The following ENAH variants were observed in gnomAD, a reference collection of about 807,000 sequenced individuals.
ENAH encodes ENAH actin regulator.
In ENAH, 23 loss-of-function variants were observed where a neutral mutation model predicts 78.7. That is an observed-to-expected ratio of 0.29 (90% CI 0.21 to 0.41). ENAH has a LOEUF of 0.41. Among genes scored for constraint, ENAH ranks in the 10% least tolerant of loss-of-function variants. ENAH has a pLI of 1.00. For synonymous variants in ENAH, 226 were observed against 241.0 expected (o/e 0.94, Z 0.58); for missense variants, 544 against 691.0 (o/e 0.79, Z 2.39).
chr1:225,634,056 C>T (rs1339072056), intron 1 of ENAH, among the ~76,000 whole-genome samples: 4 of 152,156 alleles, frequency 2.6e-5, no homozygotes, highest in African/African-American at 9.7e-5. Context: ...ATTTCACTTA[C>T]GTTAAAATTC....
chr1:225,639,247 G>C (rs1660590905), intron 1 of ENAH, among the ~76,000 whole-genome samples: 1 of 152,178 alleles, frequency 6.6e-6, no homozygotes, highest in Non-Finnish European at 1.5e-5. Context: ...TCTATATCCA[G>C]ACCTGGTTGG....
intron 2 of ENAH, among the ~76,000 whole-genome samples, chr1:225,560,879 T>C (rs562637618): frequency 6.6e-6 from 1 of 152,364 alleles, no homozygotes; most frequent in East Asian, 1.9e-4. Flanking sequence ...TAGAAAAAGT[T>C]GTGGAAAATA....
At chr1:225,589,904 A>G (rs1425246301) in intron 1 of ENAH, among the ~76,000 whole-genome samples, 5 of 152,204 alleles carry the variant, frequency 3.3e-5, no homozygotes, top group South Asian at 2.1e-4. Flanking sequence ...TTTTCTAATA[A>G]AAGAACTAAT....
intron 1 of ENAH, among the ~76,000 whole-genome samples, chr1:225,595,216 C>T (rs1175617798): frequency 6.6e-6 from 1 of 152,028 alleles, no homozygotes; most frequent in Non-Finnish European, 1.5e-5. Context: ...ACCTGTGATC[C>T]CAGCTACTCA....
At chr1:225,562,603 C>A (rs868049235) in intron 2 of ENAH, among the ~76,000 whole-genome samples, 996 of 77,450 alleles carry the variant, frequency 0.013, 15 homozygotes, top group African/African-American at 0.032. Flanking sequence ...AAAAAAAAAA[C>A]ACACCCAAGC....
At chr1:225,603,018 T>G (rs2096938299) in intron 1 of ENAH, among the ~76,000 whole-genome samples, 2 of 151,714 alleles carry the variant, frequency 1.3e-5, no homozygotes, top group Admixed American at 1.3e-4. Context: ...TAAAACATAC[T>G]ATGAAGTATA....
chr1:225,631,469 G>C lies in ENAH; in HGVS notation c.5+21217C>G, dbSNP rs896847307. 1.5e-4 allele frequency among the ~76,000 whole-genome samples: 23 copies of C among 151,454 alleles called. 1 individual carries two copies. Among genetic ancestry groups the C allele is most frequent in the African/African-American group, 5.6e-4 (23 of 41,254 alleles). On this transcript the variant is annotated intron_variant, in intron 1 of 13. Transcript: ENST00000366843. Reference sequence around the variant, plus strand: ...CACGCCTGTAGTCCCAGCTACTTGGGAAGCTGAGGCAAGAGAATCACTTGA... The same window carrying C: ...CACGCCTGTAGTCCCAGCTACTTGGCAAGCTGAGGCAAGAGAATCACTTGA...
intron 4 of ENAH, among the ~76,000 whole-genome samples, chr1:225,519,992 CAATA>C (rs1306877898): frequency 2.0e-5 from 3 of 152,066 alleles, no homozygotes; most frequent in Admixed American, 2.0e-4. Context: ...AGCAATAGCT[CAATA>C]AATATTTACT....
intron 3 of ENAH, among the ~76,000 whole-genome samples, chr1:225,539,990 C>G (rs1415373514): frequency 6.6e-6 from 1 of 152,018 alleles, no homozygotes; most frequent in Non-Finnish European, 1.5e-5. Context: ...TTAGCCACTT[C>G]AAGAGATTTG....
At chr1:225,642,461 T>C (rs973347850) in intron 1 of ENAH, among the ~76,000 whole-genome samples, 7 of 152,190 alleles carry the variant, frequency 4.6e-5, no homozygotes, top group Non-Finnish European at 1.0e-4. Context: ...AGGGATGGGA[T>C]AGACACACCA....
intron 1 of ENAH, chr1:225,652,316 A>G: frequency 1.0e-6 from 1 of 985,128 alleles, no homozygotes; most frequent in African/African-American, 1.7e-5. Context: ...ACGAAAAAAT[A>G]CCTGTTTCCC....
In ENAH at chr1:225,530,568, C is replaced by T. The variant is rs2096533090; in HGVS notation, c.420G>A (p.Leu140=). Residue 140 remains leucine, a synonymous_variant, in exon 4 of 14, where the codon TTG becomes TTA. Coordinates refer to ENST00000366843, the MANE Select transcript of ENAH (RefSeq NM_018212.6). The stretch of plus-strand genomic sequence containing the variant: ...TGAAAATTTACCTTCTTTGAATTTC[C>T]AATTCTTCTTGGGATGGGCCATTTT... ...QVQNGPSQEE[L]EIQRRQLQEQ... is the part of the protein sequence containing the mutation. The T allele has an allele frequency of 3.7e-6, 6 of 1,612,684 alleles. No homozygotes were observed. Among genetic ancestry groups the T allele is most frequent in the Non-Finnish European group, 5.1e-6 (6 of 1,178,972 alleles).
chr1:225,518,111 T>C (rs1358568925), intron 5 of ENAH: 1 of 789,114 alleles, frequency 1.3e-6, no homozygotes, highest in East Asian at 2.7e-5. Flanking sequence ...CTACAGTTAG[T>C]ATCAGAGAAT....
At chr1:225,517,569 T>C in intron 5 of ENAH, 1 of 1,551,212 alleles carries the variant, frequency 6.4e-7, no homozygotes, top group Non-Finnish European at 8.7e-7. Flanking sequence ...GGACAGGCCT[T>C]GGACCAGTAG....
At position 225,647,283 on chromosome 1, in the gene ENAH, A is replaced by G. The variant is rs116127951; in HGVS notation, c.5+5403T>C. Reference sequence around the variant, plus strand: ...CAAGCACTAAATGGGGTAAAAATAAATTAAACCAATAGAGATGCATATGCT... The same window carrying G: ...CAAGCACTAAATGGGGTAAAAATAAGTTAAACCAATAGAGATGCATATGCT... On this transcript the variant is annotated intron_variant, in intron 1 of 13. Transcript: ENST00000366843. Among the ~76,000 whole-genome samples, 429 of 152,330 alleles carry G rather than the reference A, an allele frequency of 2.8e-3. 1 individual carries two copies. The highest frequency in any genetic ancestry group is 9.9e-3 in the African/African-American group (411 of 41,580).
At chr1:225,549,101 C>T (rs962010967) in intron 3 of ENAH, among the ~76,000 whole-genome samples, 1 of 152,076 alleles carries the variant, frequency 6.6e-6, no homozygotes, top group Non-Finnish European at 1.5e-5. Flanking sequence ...GCACCCGCCT[C>T]GGCCTCCCTA....
At chr1:225,639,745 A>C (rs3991015) in intron 1 of ENAH, among the ~76,000 whole-genome samples, 26 of 101,200 alleles carry the variant, frequency 2.6e-4, no homozygotes, top group African/African-American at 1.3e-3. Context: ...CACACACACA[A>C]GAAGGATGGT....
intron 1 of ENAH, among the ~76,000 whole-genome samples, chr1:225,640,604 G>C (rs930206654): frequency 3.9e-5 from 6 of 152,168 alleles, no homozygotes; most frequent in African/African-American, 1.4e-4. Context: ...GAACCTGACT[G>C]CCTGAGATGG....
intron 11 of ENAH, among the ~76,000 whole-genome samples, chr1:225,506,595 A>G (rs1267568697): frequency 6.6e-6 from 1 of 152,224 alleles, no homozygotes; most frequent in Non-Finnish European, 1.5e-5. Context: ...GGAGTCTGAG[A>G]AACATAAATG....
Sources: allele counts gnomAD v4.1 joint callset (sites outside exome capture counted in the v4.1 genomes callset), GRCh38; gene constraint gnomAD v4.1.1; transcripts MANE v1.5; gene names NCBI Gene and HGNC (gene_info 2026-07-23, HGNC 2026-07-21).